PRMT7: variants seen among roughly 807,000 people sequenced by gnomAD.
PRMT7 encodes the protein protein arginine methyltransferase 7.
PRMT7 carries 75 observed loss-of-function variants against 85.4 expected under a neutral mutation model. That is an observed-to-expected ratio of 0.88 (90% CI 0.73 to 1.06). PRMT7 has a LOEUF of 1.06. PRMT7 is among the 50% of genes least tolerant of loss of function. The pLI is 0.00. For missense variants in PRMT7, 868 were observed against 915.2 expected, an observed-to-expected ratio of 0.95 and a Z score of 0.67; for synonymous variants, 397 against 359.5, an observed-to-expected ratio of 1.10 and a Z score of -1.18.
Position 68,311,072 on chromosome 16 carries a change from G to T in PRMT7, c.-246G>T, listed in dbSNP as rs1333547221. On this transcript the variant is annotated 5_prime_UTR_variant, in exon 1 of 19. Transcript: ENST00000441236. The stretch of plus-strand genomic sequence containing the variant: ...GGCCGCGGTAAAAGTGGTAGCAGCG[G>T]AGGCGAGCGGAGGGTTTCCCGCGGC... The T allele has an allele frequency of 2.6e-6, 2 of 773,796 alleles. No individual in the cohort carries two copies. The highest frequency in any genetic ancestry group is 2.9e-5 in the South Asian group (2 of 67,966). 47.9% of individuals were successfully genotyped at this position (773,796 alleles called of 1,614,324 possible). A position where few individuals can be genotyped will look rare whatever the true frequency, so the allele number is the denominator to read the frequency against.
chr16:68,341,403 T>C (rs1253775546), intron 9 of PRMT7, among the ~76,000 whole-genome samples: 2 of 152,190 alleles, frequency 1.3e-5, no homozygotes, highest in African/African-American at 2.4e-5. Context: ...ATTCACAGGC[T>C]ACGGTTTTTT....
chr16:68,357,306 CCT>C lies in PRMT7; in HGVS notation c.*86_*87del, dbSNP rs372652575. On this transcript the variant is annotated 3_prime_UTR_variant, in exon 19 of 19. Coordinates refer to ENST00000441236, the MANE Select transcript of PRMT7 (RefSeq NM_019023.5). ...TCTAGCGGGGAAGGCTGAAGGCCCT[CCT>C]CTCCTCTCTGGGAGCTGCTCGGCCT... 736 of 1,414,286 alleles carry C rather than the reference CCT, an allele frequency of 5.2e-4. 15 individuals are homozygous for C. The South Asian group carries it at 8.7e-3, about 17-fold the overall frequency. 87.6% of individuals were successfully genotyped at this position (1,414,286 alleles called of 1,614,324 possible). A position where few individuals can be genotyped will look rare whatever the true frequency, so the allele number is the denominator to read the frequency against.
At chr16:68,355,675 T>C (rs1317379501) in intron 16 of PRMT7, 48 bp from the exon 17 acceptor site, 3 of 1,459,830 alleles carry the variant, frequency 2.1e-6, no homozygotes, top group East Asian at 2.6e-5. Context: ...TACCTCTGTC[T>C]AGCTGCCGGC....
At chr16:68,341,885 T>A (rs949791405) in intron 9 of PRMT7, among the ~76,000 whole-genome samples, 1 of 152,238 alleles carries the variant, frequency 6.6e-6, no homozygotes, top group African/African-American at 2.4e-5. Flanking sequence ...GACCTAACAA[T>A]GGCTTCACCT....
intron 14 of PRMT7, among the ~76,000 whole-genome samples, 200 bp downstream of exon 14, chr16:68,348,631 CTTTTTTTTT>C (rs56041186): frequency 7.4e-5 from 5 of 67,602 alleles, no homozygotes; most frequent in Non-Finnish European, 1.1e-4. Flanking sequence ...TTGCACTGCT[CTTTTTTTTT>C]TTTTTTTTTT....
intron 18 of PRMT7, 85 bp from the exon 19 acceptor site, chr16:68,356,969 G>A: frequency 6.8e-7 from 1 of 1,471,078 alleles, no homozygotes; most frequent in African/African-American, 1.4e-5. Flanking sequence ...TCTCTCTGCT[G>A]CGAGCTGCCT....
At chr16:68,339,727 G>A in intron 8 of PRMT7, 61 bp from the exon 9 acceptor site, 1 of 1,587,506 alleles carries the variant, frequency 6.3e-7, no homozygotes, top group East Asian at 2.2e-5. Context: ...CACTGTAAAA[G>A]CTTAAAAAAT....
chr16:68,345,762 C>T lies in PRMT7; in HGVS notation c.1015C>T (p.His339Tyr). ...QGSALYLVAH[H>Y]DDYCVWYSLQ... Reference sequence around the variant, plus strand: ...CTCAGCGCTCTATCTGGTAGCCCACCACGATGACTACTGCGTATGGTACAG... The same window carrying T: ...CTCAGCGCTCTATCTGGTAGCCCACTACGATGACTACTGCGTATGGTACAG... The change falls in exon 10 of 19, where the codon CAC becomes TAC. Residue 339 changes from histidine to tyrosine, a missense_variant. Transcript: ENST00000441236. 2 of 1,614,160 alleles carry T rather than the reference C, an allele frequency of 1.2e-6. No individual in the cohort carries two copies. The highest frequency in any genetic ancestry group is 1.7e-6 in the Non-Finnish European group (2 of 1,180,040).
intron 14 of PRMT7, among the ~76,000 whole-genome samples, chr16:68,351,040 C>G (rs1315122319): frequency 1.3e-5 from 2 of 152,154 alleles, no homozygotes. Context: ...ATCCACAAGT[C>G]GCCTTTTTTC....
At chr16:68,318,233 T>C (rs2082099120) in intron 3 of PRMT7, among the ~76,000 whole-genome samples, 1 of 149,114 alleles carries the variant, frequency 6.7e-6, no homozygotes, top group African/African-American at 2.5e-5. Flanking sequence ...AGAGTCTCGC[T>C]CTGTTTCCCA....
chr16:68,340,436 G>A (rs1347476573), intron 9 of PRMT7, among the ~76,000 whole-genome samples: 1 of 152,142 alleles, frequency 6.6e-6, no homozygotes, highest in Non-Finnish European at 1.5e-5. Context: ...GAGAAATGCA[G>A]TTTTAGCTGC....
At position 68,330,724 on chromosome 16, in the gene PRMT7, AGCTGG is replaced by A. The variant is rs544666745; in HGVS notation, c.391+1552_391+1556del. On this transcript the variant is annotated intron_variant, in intron 6 of 18. Transcript: ENST00000441236. ...ATTCTCCTGCTTCAGCCTCATGAGT[AGCTGG>A]GATTACAGGCGTGCACCACCATGCC... Among the ~76,000 whole-genome samples the A allele has an allele frequency of 2.6e-5, 4 of 151,922 alleles. No individual in the cohort carries two copies. The South Asian group carries it at 6.2e-4, about 24-fold the overall frequency.
intron 6 of PRMT7, among the ~76,000 whole-genome samples, chr16:68,334,941 C>A (rs966067431): frequency 1.3e-5 from 2 of 151,986 alleles, no homozygotes; most frequent in East Asian, 3.9e-4. Context: ...GGACTACAGG[C>A]GCGTGCTACT....
At chr16:68,348,297 A>G in intron 13 of PRMT7, 45 bp from the exon 14 acceptor site, 13 of 1,452,918 alleles carry the variant, frequency 8.9e-6, no homozygotes, top group Non-Finnish European at 1.2e-5. Context: ...TGACAAACAC[A>G]ATACTTTAGT....
intron 6 of PRMT7, 96 bp downstream of exon 6, chr16:68,329,270 G>A: frequency 1.1e-6 from 1 of 892,382 alleles, no homozygotes. Context: ...CCAGGTCATA[G>A]CATAGAAGTG....
intron 13 of PRMT7, 116 bp from the exon 14 acceptor site, chr16:68,348,226 C>A: frequency 6.9e-6 from 6 of 871,066 alleles, no homozygotes; most frequent in Non-Finnish European, 1.1e-5. Context: ...AAGTGGTGTT[C>A]CAGAACCATT....
intron 6 of PRMT7, among the ~76,000 whole-genome samples, chr16:68,330,472 G>C (rs924954907): frequency 5.3e-5 from 8 of 152,062 alleles, no homozygotes; most frequent in Admixed American, 1.3e-4. Context: ...TTTCACCACG[G>C]TTTTGGAGAA....
intron 14 of PRMT7, chr16:68,351,860 C>G (rs1454032190): frequency 3.1e-5 from 5 of 163,010 alleles, no homozygotes; most frequent in African/African-American, 1.2e-4. Flanking sequence ...CAGGATGCCA[C>G]TCTGGAAGCC....
intron 9 of PRMT7, among the ~76,000 whole-genome samples, chr16:68,343,968 C>G (rs753332595): frequency 2.0e-5 from 3 of 152,148 alleles, no homozygotes; most frequent in Non-Finnish European, 4.4e-5. Flanking sequence ...AGCCAGGCAT[C>G]TCCTGTTTTT....
Sources: gnomAD v4.1 joint callset for allele counts (sites outside exome capture counted in the v4.1 genomes callset) on GRCh38, gnomAD v4.1.1 for gene constraint, MANE v1.5 for transcripts, NCBI Gene and HGNC (gene_info 2026-07-23, HGNC 2026-07-21) for gene names.